The following GPC6 variants were observed in gnomAD, a reference collection of about 807,000 sequenced individuals.
GPC6 encodes the protein glypican 6, also known as glypican-6.
A neutral mutation model predicts 55.2 loss-of-function variants in GPC6; 14 were observed. The ratio of observed to expected loss-of-function variants is 0.25; its 90% CI spans 0.17 to 0.40. GPC6 has a LOEUF of 0.40. Among genes scored for constraint, GPC6 ranks in the 10% least tolerant of loss-of-function variants. The pLI is 1.00. For synonymous variants in GPC6, 278 were observed against 259.6 expected (o/e 1.07, Z -0.68); for missense variants, 641 against 708.5 (o/e 0.90, Z 1.08).
chr13:93,331,492 C>A (rs1009734436), intron 1 of GPC6, among the ~76,000 whole-genome samples: 1 of 152,144 alleles, frequency 6.6e-6, no homozygotes, highest in African/African-American at 2.4e-5. Context: ...TGAGAAATAT[C>A]AATTGCTTTT....
At chr13:93,954,719 C>G (rs1419369838) in intron 3 of GPC6, among the ~76,000 whole-genome samples, 1 of 152,160 alleles carries the variant, frequency 6.6e-6, no homozygotes, top group Non-Finnish European at 1.5e-5. Context: ...CCAGCAGACA[C>G]TCAGTCCCAC....
chr13:94,364,524 G>A (rs1879204149), intron 6 of GPC6, among the ~76,000 whole-genome samples: 1 of 152,180 alleles, frequency 6.6e-6, no homozygotes, highest in Non-Finnish European at 1.5e-5. Flanking sequence ...AAGTGCCCTA[G>A]CAATGTATGA....
At chr13:93,296,620 G>C (rs1208184407) in intron 1 of GPC6, among the ~76,000 whole-genome samples, 2 of 152,032 alleles carry the variant, frequency 1.3e-5, no homozygotes, top group African/African-American at 4.8e-5. Flanking sequence ...ACAGTGGCTG[G>C]CACAGCTCCA....
At chr13:94,009,948 T>C (rs1313484715) in intron 3 of GPC6, among the ~76,000 whole-genome samples, 1 of 152,164 alleles carries the variant, frequency 6.6e-6, no homozygotes, top group Non-Finnish European at 1.5e-5. Context: ...TTATTACATA[T>C]TTTGACTGGA....
At chr13:93,917,986 A>T (rs543078033) in intron 3 of GPC6, among the ~76,000 whole-genome samples, 44 of 152,004 alleles carry the variant, frequency 2.9e-4, no homozygotes, top group African/African-American at 1.0e-3. Context: ...AACCCCAGCT[A>T]CTCGGGAGGC....
At chr13:94,187,579 A>G (rs1170491820) in intron 4 of GPC6, among the ~76,000 whole-genome samples, 2 of 152,218 alleles carry the variant, frequency 1.3e-5, no homozygotes. Flanking sequence ...TAATTCAAAC[A>G]TAAGAGTTGA....
At chr13:93,621,642 G>T (rs1402346448) in intron 2 of GPC6, among the ~76,000 whole-genome samples, 2 of 152,100 alleles carry the variant, frequency 1.3e-5, no homozygotes, top group East Asian at 3.9e-4. Flanking sequence ...TATAGTAATA[G>T]AGTTAGGGAG....
At position 94,027,759 on chromosome 13, in the gene GPC6, C is replaced by G; in HGVS notation, c.742C>G (p.Leu248Val). The change falls in exon 4 of 9, where the codon CTC becomes GTC. Residue 248 changes from leucine to valine, a missense_variant. Physicochemically the swap from Leu to Val is conservative, Grantham distance 32. Transcript: ENST00000377047. ...CCCAACCCCAGGGTGTATCCGTGCC[C>G]TCATGAAGATGCTGTACTGCCCATA... ...VSPTPGCIRA[L>V]MKMLYCPYCR... 1.2e-6 allele frequency: 2 copies of G among 1,614,030 alleles called. No individual in the cohort carries two copies. Among genetic ancestry groups the G allele is most frequent in the South Asian group, 2.2e-5 (2 of 91,076 alleles).
intron 1 of GPC6, among the ~76,000 whole-genome samples, chr13:93,285,616 CTGTGTGTGTGTGTGTGTGTGTG>C (rs754671051): frequency 1.9e-5 from 2 of 103,532 alleles, no homozygotes; most frequent in Non-Finnish European, 4.2e-5. Flanking sequence ...GTATATACTG[CTGTGTGTGTGTGTGTGTGTGTG>C]TGTGTGTGTG....
intron 4 of GPC6, among the ~76,000 whole-genome samples, chr13:94,265,632 G>T (rs1436892121): frequency 3.3e-5 from 5 of 152,156 alleles, no homozygotes; most frequent in Non-Finnish European, 5.9e-5. Flanking sequence ...CAGGGAGAAA[G>T]GTGAAAGCGA....
rs1288824684 is a variant in GPC6, at chr13:94,400,985, C to T, written c.1466-2030C>T. On this transcript the variant is annotated intron_variant, in intron 8 of 8. Transcript: ENST00000377047. ...AAATGTCAGGGTACATTCCAGGTCG[C>T]CTTTGCTGTAGGAACCATGTTTTTT... is the stretch of plus-strand genomic sequence containing the variant. 2.6e-5 allele frequency among the ~76,000 whole-genome samples: 4 copies of T among 152,128 alleles called. No individual in the cohort carries two copies. In the South Asian group the frequency reaches 8.3e-4, roughly 31 times the overall value.
intron 1 of GPC6, among the ~76,000 whole-genome samples, chr13:93,399,627 A>C (rs1361600841): frequency 3.3e-5 from 5 of 152,224 alleles, no homozygotes; most frequent in African/African-American, 1.2e-4. Flanking sequence ...CTGTCTTTTC[A>C]TGCTGTTGAA....
chr13:94,394,997 C>T (rs1158773775), intron 7 of GPC6, among the ~76,000 whole-genome samples: 1 of 152,134 alleles, frequency 6.6e-6, no homozygotes, highest in African/African-American at 2.4e-5. Context: ...ACAAAGCTCG[C>T]CTCTGACTCA....
At chr13:93,459,056 T>G (rs1475525541) in intron 1 of GPC6, among the ~76,000 whole-genome samples, 2 of 152,208 alleles carry the variant, frequency 1.3e-5, no homozygotes, top group African/African-American at 4.8e-5. Flanking sequence ...ATCATATTTG[T>G]ATTTTATTAT....
chr13:93,803,379 A>G (rs750738623), intron 2 of GPC6, among the ~76,000 whole-genome samples: 1 of 152,196 alleles, frequency 6.6e-6, no homozygotes, highest in East Asian at 1.9e-4. Context: ...CAAAACCAGT[A>G]TAAGATACCT....
chr13:93,401,626 C>T lies in GPC6; in HGVS notation c.161-143637C>T, dbSNP rs111718455. ...TGGGGTTAGAAGGGTATTGCCAATGCGGTAAAGAGCTGAGGAGAAATCAGC... is the reference window on the plus strand; with the variant it reads ...TGGGGTTAGAAGGGTATTGCCAATGTGGTAAAGAGCTGAGGAGAAATCAGC... On this transcript the variant is annotated intron_variant, in intron 1 of 8. Coordinates refer to ENST00000377047, the MANE Select transcript of GPC6 (RefSeq NM_005708.5). Among the ~76,000 whole-genome samples, 36 of 144,190 alleles carry T rather than the reference C, an allele frequency of 2.5e-4. 1 individual carries two copies. Among genetic ancestry groups the T allele is most frequent in the East Asian group, 1.2e-3 (6 of 4,918 alleles). 94.6% of individuals were successfully genotyped at this position (144,190 alleles called of 152,430 possible).
At chr13:93,247,413 C>T (rs1321933332) in intron 1 of GPC6, among the ~76,000 whole-genome samples, 1 of 152,144 alleles carries the variant, frequency 6.6e-6, no homozygotes. Context: ...TTAGCTTCTC[C>T]TCCAACTATA....
chr13:93,269,235 G>A (rs566118237), intron 1 of GPC6, among the ~76,000 whole-genome samples: 26 of 152,092 alleles, frequency 1.7e-4, no homozygotes, highest in Admixed American at 9.2e-4. Context: ...TCACAAGTTT[G>A]GAAATAATCT....
intron 4 of GPC6, among the ~76,000 whole-genome samples, chr13:94,139,634 TCAGA>T (rs1887305736): frequency 6.6e-6 from 1 of 152,204 alleles, no homozygotes; most frequent in African/African-American, 2.4e-5. Flanking sequence ...CTGCAATTGC[TCAGA>T]CATTTAGCTT....
Sources: gnomAD v4.1 joint callset for allele counts (sites outside exome capture counted in the v4.1 genomes callset) on GRCh38, gnomAD v4.1.1 for gene constraint, MANE v1.5 for transcripts, NCBI Gene and HGNC (gene_info 2026-07-23, HGNC 2026-07-21) for gene names.